Variants in S100Z observed in about 807,000 individuals in gnomAD.
S100Z encodes the protein S100 calcium binding protein Z, also known as protein S100-Z.
A neutral mutation model predicts 8.5 loss-of-function variants in S100Z; 11 were observed. The ratio of observed to expected loss-of-function variants is 1.30; its 90% CI spans 0.82 to 2.15. S100Z has a LOEUF of 2.15. S100Z is among the 30% of genes most tolerant of loss of function. The pLI is 0.00. For synonymous variants in S100Z, 34 were observed against 43.8 expected, an observed-to-expected ratio of 0.78 and a Z score of 0.89; for missense variants, 126 against 117.9, an observed-to-expected ratio of 1.07 and a Z score of -0.32.
chr5:76,916,022 G>T (rs1008925973), intron 4 of S100Z, among the ~76,000 whole-genome samples: 1 of 152,102 alleles, frequency 6.6e-6, no homozygotes, highest in Middle Eastern at 3.4e-3. Flanking sequence ...TTAGCTGGGC[G>T]TGGAGGTACA....
chr5:76,903,898 TG>T (rs201374316), intron 4 of S100Z, among the ~76,000 whole-genome samples: 2,131 of 151,732 alleles, frequency 0.014, 58 homozygotes, highest in East Asian at 0.11. Flanking sequence ...CTATTTTTTT[TG>T]TGTGTGTGTA....
downstream of S100Z, among the ~76,000 whole-genome samples, chr5:76,926,232 T>C (rs1270940128): frequency 6.6e-6 from 1 of 152,082 alleles, no homozygotes; most frequent in African/African-American, 2.4e-5. Flanking sequence ...TTGTCCAATC[T>C]GGTGAGTGAT....
At chr5:76,888,271 A>G (rs1385234536) in intron 4 of S100Z, among the ~76,000 whole-genome samples, 1 of 151,372 alleles carries the variant, frequency 6.6e-6, no homozygotes, top group Non-Finnish European at 1.5e-5. Flanking sequence ...AAAAGAAAAA[A>G]AAAAGGAAAG....
chr5:76,913,260 C>T (rs1028962353), intron 4 of S100Z, among the ~76,000 whole-genome samples: 13 of 152,208 alleles, frequency 8.5e-5, no homozygotes, highest in African/African-American at 3.1e-4. Flanking sequence ...TAACTAATTA[C>T]CATACAAAGG....
intron 4 of S100Z, among the ~76,000 whole-genome samples, chr5:76,897,885 G>A (rs1489057021): frequency 6.6e-6 from 1 of 152,072 alleles, no homozygotes; most frequent in Admixed American, 6.5e-5. Context: ...TTTTCTTGTG[G>A]ACTCCTTAGG....
In S100Z at chr5:76,875,343, T is replaced by G; in HGVS notation, c.-17T>G. On this transcript the variant is annotated 5_prime_UTR_variant, in exon 3 of 5. Transcript: ENST00000317593. Reference sequence around the variant, plus strand: ...GTTTGGTGGCCTGCTTCTGGAGTGGTCAGTTCTGCTGCCGACATGCCCACC... The same window carrying G: ...GTTTGGTGGCCTGCTTCTGGAGTGGGCAGTTCTGCTGCCGACATGCCCACC... 2 of 1,606,450 alleles carry G rather than the reference T, an allele frequency of 1.2e-6. No individual in the cohort carries two copies. The highest frequency in any genetic ancestry group is 1.7e-6 in the Non-Finnish European group (2 of 1,176,390).
the S100Z span, among the ~76,000 whole-genome samples, chr5:76,932,426 T>C: frequency 6.6e-6 from 1 of 152,162 alleles, no homozygotes; most frequent in Non-Finnish European, 1.5e-5. Context: ...TGATCTCAGC[T>C]CACTGCAATC....
chr5:76,947,193 A>G, the S100Z span, among the ~76,000 whole-genome samples: 2 of 149,522 alleles, frequency 1.3e-5, no homozygotes, highest in East Asian at 4.1e-4. Context: ...TTAATCCCCC[A>G]CGTCCTGGCC....
chr5:76,858,092 C>T (rs1356208535), intron 1 of S100Z, among the ~76,000 whole-genome samples: 2 of 152,150 alleles, frequency 1.3e-5, no homozygotes, highest in East Asian at 3.9e-4. Context: ...GCAGGGAGCC[C>T]CTCTCCTGAG....
intron 4 of S100Z, among the ~76,000 whole-genome samples, chr5:76,895,451 T>C (rs1157366499): frequency 6.6e-6 from 1 of 152,004 alleles, no homozygotes; most frequent in Non-Finnish European, 1.5e-5. Flanking sequence ...AAAGAAACAA[T>C]TGAAAGTTAA....
chr5:76,925,627 G>A (rs1745126081), downstream of S100Z, among the ~76,000 whole-genome samples: 1 of 151,898 alleles, frequency 6.6e-6, no homozygotes, highest in Admixed American at 6.6e-5. Flanking sequence ...TATGCTGCTT[G>A]CTATAGGAAG....
the S100Z span, among the ~76,000 whole-genome samples, chr5:76,949,388 C>CA: frequency 4.7e-4 from 58 of 122,674 alleles, no homozygotes; most frequent in African/African-American, 1.6e-3. Context: ...GACTCCATCT[C>CA]AAAAAAAAAA....
In S100Z at chr5:76,879,139, C is replaced by A. The variant is rs1466211784; in HGVS notation, c.*2+1305C>A. 3.3e-5 allele frequency among the ~76,000 whole-genome samples: 5 copies of A among 152,136 alleles called. No homozygotes were observed. In the East Asian group the frequency reaches 7.7e-4, roughly 24 times the overall value. ...AATGTTTTGCTATTGTAGACAAGAA[C>A]CCATGTAGCTCTTTGTCTTCCACCT... On this transcript the variant is annotated intron_variant, in intron 4 of 4. Coordinates refer to ENST00000317593, the MANE Select transcript of S100Z (RefSeq NM_130772.4).
At chr5:76,945,655 A>AACTT in the S100Z span, among the ~76,000 whole-genome samples, 10 of 152,124 alleles carry the variant, frequency 6.6e-5, no homozygotes, top group East Asian at 1.9e-3. Context: ...CCTTCCCTTG[A>AACTT]ACTTATTTGT....
chr5:76,929,266 T>C, the S100Z span, among the ~76,000 whole-genome samples: 1 of 152,358 alleles, frequency 6.6e-6, no homozygotes, highest in East Asian at 1.9e-4. Context: ...TAGATGCATA[T>C]TGTACCTTTT....
chr5:76,861,344 T>A (rs924334944), intron 1 of S100Z, among the ~76,000 whole-genome samples: 59 of 30,604 alleles, frequency 1.9e-3, no homozygotes, highest in African/African-American at 0.011. Context: ...AAAGCCAGGA[T>A]TTTTTTTTTT....
the S100Z span, among the ~76,000 whole-genome samples, chr5:76,941,714 C>A: frequency 2.6e-4 from 38 of 145,808 alleles, no homozygotes; most frequent in East Asian, 7.7e-3. Flanking sequence ...CCACTCCACC[C>A]CTCCCTTCCC....
chr5:76,869,830 C>G (rs1422801198), intron 1 of S100Z, among the ~76,000 whole-genome samples: 1 of 152,006 alleles, frequency 6.6e-6, no homozygotes, highest in Non-Finnish European at 1.5e-5. Context: ...ACCAGCCTAG[C>G]CAACATGGTG....
intron 4 of S100Z, among the ~76,000 whole-genome samples, chr5:76,900,589 A>G (rs753177656): frequency 7.9e-5 from 12 of 151,998 alleles, no homozygotes; most frequent in Non-Finnish European, 1.6e-4. Flanking sequence ...TTTTATTTCA[A>G]TATCTTTGTT....
Sources: allele counts gnomAD v4.1 joint callset (sites outside exome capture counted in the v4.1 genomes callset), GRCh38; gene constraint gnomAD v4.1.1; transcripts MANE v1.5; gene names NCBI Gene and HGNC (gene_info 2026-07-23, HGNC 2026-07-21).